The following SPIRE1 variants were observed in gnomAD, a reference collection of about 807,000 sequenced individuals.
SPIRE1 encodes spire type actin nucleation factor 1.
In SPIRE1, 40 loss-of-function variants were observed where a neutral mutation model predicts 94.1. The ratio of observed to expected loss-of-function variants is 0.43; its 90% confidence interval spans 0.33 to 0.55. The LOEUF (loss-of-function observed/expected upper bound fraction) is 0.55. SPIRE1 is among the 20% of genes least tolerant of loss of function. The pLI is 0.06. For missense variants in SPIRE1, 838 were observed against 975.2 expected, an observed-to-expected ratio of 0.86 and a Z score of 1.87; for synonymous variants, 376 against 371.7, an observed-to-expected ratio of 1.01 and a Z score of -0.13.
intron 3 of SPIRE1, among the ~76,000 whole-genome samples, chr18:12,544,303 G>A (rs887413282): frequency 6.6e-5 from 10 of 151,318 alleles, no homozygotes; most frequent in African/African-American, 2.4e-4. Flanking sequence ...AGGTTCAAGA[G>A]ATTCTCATGC....
At chr18:12,577,052 A>G (rs1289206380) in intron 2 of SPIRE1, among the ~76,000 whole-genome samples, 1 of 152,246 alleles carries the variant, frequency 6.6e-6, no homozygotes, top group Non-Finnish European at 1.5e-5. Context: ...GGGAAAGGAT[A>G]TCATTTCAAC....
chr18:12,508,346 C>T lies in SPIRE1; in HGVS notation c.808-1705G>A, dbSNP rs186298182. The stretch of plus-strand genomic sequence containing the variant: ...AGAAGCTACCAAAAAATATAAAAAC[C>T]ATACCATTTCCCATCCTCTTGTTCC... On this transcript the variant is annotated intron_variant, in intron 5 of 16. Coordinates refer to ENST00000409402, the MANE Select transcript of SPIRE1 (RefSeq NM_001128626.2). 1.8e-3 allele frequency among the ~76,000 whole-genome samples: 279 copies of T among 152,114 alleles called. 8 individuals are homozygous for T. The highest frequency in any genetic ancestry group is 0.018 in the Admixed American group (273 of 15,270).
intron 13 of SPIRE1, among the ~76,000 whole-genome samples, chr18:12,453,809 G>A (rs988392207): frequency 2.6e-5 from 4 of 151,568 alleles, no homozygotes; most frequent in Non-Finnish European, 4.4e-5. Flanking sequence ...TTATTGAGAC[G>A]GAGTCTCACT....
intron 2 of SPIRE1, among the ~76,000 whole-genome samples, chr18:12,578,440 A>G (rs1598490275): frequency 6.6e-6 from 1 of 152,256 alleles, no homozygotes; most frequent in African/African-American, 2.4e-5. Flanking sequence ...AAAAAAGGTC[A>G]GCACAAAAAA....
chr18:12,480,668 C>T (rs997165804), intron 9 of SPIRE1, among the ~76,000 whole-genome samples: 3 of 152,118 alleles, frequency 2.0e-5, no homozygotes, highest in African/African-American at 7.2e-5. Context: ...CAGATGGATT[C>T]GGCAAGTGGC....
At chr18:12,604,789 G>A (rs1477557104) in intron 2 of SPIRE1, among the ~76,000 whole-genome samples, 1 of 152,156 alleles carries the variant, frequency 6.6e-6, no homozygotes, top group Admixed American at 6.5e-5. Flanking sequence ...GAACTCTCTA[G>A]TGGGTGCACA....
At chr18:12,607,301 C>T (rs2037006501) in intron 2 of SPIRE1, among the ~76,000 whole-genome samples, 1 of 152,176 alleles carries the variant, frequency 6.6e-6, no homozygotes, top group African/African-American at 2.4e-5. Context: ...CTTCAACAGA[C>T]ATTTTCCATC....
rs149882929 is a variant in SPIRE1 at position 12,612,488 on chromosome 18, T to C, written c.372+22574A>G. ...GGTGATTTCAATAGTTTCATATTTA[T>C]ATAGTCTTACATGGCCCTTAAGGCC... On this transcript the variant is annotated intron_variant, in intron 2 of 16. Coordinates refer to ENST00000409402, the MANE Select transcript of SPIRE1 (RefSeq NM_001128626.2). 2.1e-4 allele frequency among the ~76,000 whole-genome samples: 32 copies of C among 152,324 alleles called. No individual in the cohort carries two copies. The East Asian group carries it at 6.2e-3, about 29-fold the overall frequency.
At chr18:12,526,056 T>C (rs1368143725) in intron 4 of SPIRE1, among the ~76,000 whole-genome samples, 6 of 122,686 alleles carry the variant, frequency 4.9e-5, no homozygotes, top group East Asian at 2.3e-4. Context: ...ATACTGAAGA[T>C]ACACACACAC....
chr18:12,613,029 CCTAT>C (rs1567967287), intron 2 of SPIRE1, among the ~76,000 whole-genome samples: 1 of 152,162 alleles, frequency 6.6e-6, no homozygotes, highest in Non-Finnish European at 1.5e-5. Context: ...ACTTATTTAT[CCTAT>C]CTATTATGTC....
At chr18:12,487,131 G>GCA (rs2143818515) in intron 8 of SPIRE1, among the ~76,000 whole-genome samples, 1 of 152,270 alleles carries the variant, frequency 6.6e-6, no homozygotes, top group African/African-American at 2.4e-5. Context: ...GGGATTACAG[G>GCA]CATAAGCCAC....
intron 10 of SPIRE1, among the ~76,000 whole-genome samples, chr18:12,470,423 C>T (rs2032307428): frequency 6.6e-6 from 1 of 152,108 alleles, no homozygotes; most frequent in Admixed American, 6.5e-5. Context: ...GTGTTAATGG[C>T]CCACTGTCCC....
intron 3 of SPIRE1, among the ~76,000 whole-genome samples, chr18:12,535,827 C>T (rs564299884): frequency 1.3e-5 from 2 of 152,230 alleles, no homozygotes; most frequent in South Asian, 4.2e-4. Context: ...TGGTGGCACA[C>T]ACCTGTAATC....
chr18:12,636,534 G>GA (rs1442568433), intron 1 of SPIRE1, among the ~76,000 whole-genome samples: 1 of 149,830 alleles, frequency 6.7e-6, no homozygotes, highest in African/African-American at 2.4e-5. Context: ...AAACAAAAAT[G>GA]AAAAAATAAA....
chr18:12,649,724 C>G (rs540851602), intron 1 of SPIRE1, among the ~76,000 whole-genome samples: 4 of 152,088 alleles, frequency 2.6e-5, no homozygotes, highest in African/African-American at 9.7e-5. Context: ...AAAGTTTAGT[C>G]AAAACTCTTA....
At chr18:12,654,853 C>A (rs1045417575) in intron 1 of SPIRE1, among the ~76,000 whole-genome samples, 3 of 151,648 alleles carry the variant, frequency 2.0e-5, no homozygotes, top group African/African-American at 7.3e-5. Context: ...CATGGCGAAA[C>A]CCCATTTCTA....
chr18:12,656,060 G>A (rs887872011), intron 1 of SPIRE1, among the ~76,000 whole-genome samples: 1 of 152,022 alleles, frequency 6.6e-6, no homozygotes, highest in Non-Finnish European at 1.5e-5. Flanking sequence ...CACCACGCCC[G>A]GCTAATTTTT....
intron 12 of SPIRE1, chr18:12,459,813 G>A: frequency 2.0e-6 from 2 of 985,922 alleles, no homozygotes; most frequent in Non-Finnish European, 2.4e-6. Flanking sequence ...CATAGCCCCT[G>A]CTACCCCAAA....
At chr18:12,475,533 G>T (rs34469203) in intron 10 of SPIRE1, among the ~76,000 whole-genome samples, 15,835 of 152,068 alleles carry the variant, frequency 0.1, 1,200 homozygotes, top group Middle Eastern at 0.21. Flanking sequence ...AGAAGTTGGT[G>T]AAAAGAATAG....
Sources: allele counts gnomAD v4.1 joint callset (sites outside exome capture counted in the v4.1 genomes callset), GRCh38; gene constraint gnomAD v4.1.1; transcripts MANE v1.5; gene names NCBI Gene and HGNC (gene_info 2026-07-23, HGNC 2026-07-21).